Variants in PDE4D observed in about 807,000 individuals in gnomAD.
PDE4D encodes 3',5'-cyclic-AMP phosphodiesterase 4D.
In PDE4D, 24 loss-of-function variants were observed where a neutral mutation model predicts 87.4. The ratio of observed to expected loss-of-function variants is 0.27; its 90% CI spans 0.20 to 0.39. The LOEUF (loss-of-function observed/expected upper bound fraction) is 0.39. Ranked by LOEUF, PDE4D falls within the 10% of genes least tolerant of loss-of-function variation. PDE4D has a pLI of 1.00. For missense variants in PDE4D, 714 were observed against 1,041.0 expected, an observed-to-expected ratio of 0.69 and a Z score of 4.32; for synonymous variants, 384 against 383.2, an observed-to-expected ratio of 1.00 and a Z score of -0.02.
intron 5 of PDE4D, among the ~76,000 whole-genome samples, chr5:59,099,431 A>G (rs1387343579): frequency 2.6e-5 from 4 of 152,244 alleles, no homozygotes; most frequent in Non-Finnish European, 4.4e-5. Context: ...CTTTACAGTC[A>G]TAACTGCTCA....
intron 2 of PDE4D, among the ~76,000 whole-genome samples, chr5:59,205,397 T>C (rs1319212557): frequency 6.6e-6 from 1 of 152,174 alleles, no homozygotes; most frequent in Admixed American, 6.5e-5. Context: ...GAAATTTTAC[T>C]GGGTCATAAA....
intron 1 of PDE4D, among the ~76,000 whole-genome samples, chr5:59,542,777 C>T (rs567639719): frequency 2.0e-5 from 3 of 152,162 alleles, no homozygotes; most frequent in African/African-American, 7.2e-5. Context: ...AATTTGACAT[C>T]TTGTTGAAAT....
intron 1 of PDE4D, among the ~76,000 whole-genome samples, chr5:60,318,394 G>A (rs1755851884): frequency 1.3e-5 from 2 of 152,048 alleles, no homozygotes; most frequent in Admixed American, 1.3e-4. Flanking sequence ...ACGTGAGATG[G>A]GTTTCCTGAA....
At chr5:59,087,291 C>A (rs992207899) in intron 5 of PDE4D, among the ~76,000 whole-genome samples, 2 of 151,962 alleles carry the variant, frequency 1.3e-5, no homozygotes, top group African/African-American at 4.8e-5. Flanking sequence ...TCGAGACCAG[C>A]CAAGAAAACA....
intron 1 of PDE4D, among the ~76,000 whole-genome samples, chr5:59,656,843 A>T (rs560085661): frequency 6.6e-6 from 1 of 152,344 alleles, no homozygotes; most frequent in Admixed American, 6.5e-5. Flanking sequence ...AATAGCAAAT[A>T]ATTATTATTC....
chr5:59,572,702 G>A (rs894734633), intron 1 of PDE4D, among the ~76,000 whole-genome samples: 2 of 152,054 alleles, frequency 1.3e-5, no homozygotes, highest in Non-Finnish European at 2.9e-5. Flanking sequence ...AGATGGTCTC[G>A]ATCTCCTGAC....
rs76321595 is a variant in PDE4D at position 59,129,590 on chromosome 5, A to G, written c.808+51005T>C. Reference sequence around the variant, plus strand: ...GCCACCTAATTCAAGCCATTAAGTTAATATTCGATTATATAAATATGATCT... The same window carrying G: ...GCCACCTAATTCAAGCCATTAAGTTGATATTCGATTATATAAATATGATCT... On this transcript the variant is annotated intron_variant, in intron 5 of 14. Transcript: ENST00000340635. Among the ~76,000 whole-genome samples the G allele has an allele frequency of 2.2e-4, 34 of 152,286 alleles. No homozygotes were observed. The East Asian group carries it at 6.4e-3, about 29-fold the overall frequency.
chr5:59,021,160 CAGTGA>C (rs780021717), intron 6 of PDE4D, among the ~76,000 whole-genome samples: 1 of 152,124 alleles, frequency 6.6e-6, no homozygotes, highest in Non-Finnish European at 1.5e-5. Flanking sequence ...TGTTTAGACA[CAGTGA>C]AGTGAAGACC....
At chr5:59,564,884 G>A (rs930905034) in intron 1 of PDE4D, among the ~76,000 whole-genome samples, 3 of 152,164 alleles carry the variant, frequency 2.0e-5, no homozygotes, top group Non-Finnish European at 4.4e-5. Flanking sequence ...GCACTGGAGT[G>A]GGGTGAGAAG....
chr5:59,807,740 G>A (rs1311088785), intron 1 of PDE4D, among the ~76,000 whole-genome samples: 3 of 152,220 alleles, frequency 2.0e-5, no homozygotes, highest in Non-Finnish European at 4.4e-5. Flanking sequence ...CCAGGTCTCT[G>A]TATAGGCTTA....
chr5:58,990,927 ACT>A, intron 8 of PDE4D, 25 bp from the exon 9 acceptor site: 2 of 1,238,530 alleles, frequency 1.6e-6, no homozygotes, highest in South Asian at 2.7e-5. Context: ...AAAAAAAGAT[ACT>A]AAAATATTAG....
At chr5:59,427,445 A>G (rs1582550839) in intron 1 of PDE4D, among the ~76,000 whole-genome samples, 1 of 152,198 alleles carries the variant, frequency 6.6e-6, no homozygotes, top group East Asian at 1.9e-4. Flanking sequence ...TGGGGAAGTA[A>G]CAACAACCAA....
chr5:59,395,316 C>A (rs1022049896), intron 1 of PDE4D, among the ~76,000 whole-genome samples: 1 of 152,226 alleles, frequency 6.6e-6, no homozygotes, highest in African/African-American at 2.4e-5. Flanking sequence ...GCAGTAACCT[C>A]TGCAGACTTA....
intron 5 of PDE4D, among the ~76,000 whole-genome samples, chr5:59,053,466 ATAAT>A (rs1344637167): frequency 2.0e-5 from 3 of 151,612 alleles, no homozygotes; most frequent in Non-Finnish European, 1.5e-5. Context: ...TTTAATTATG[ATAAT>A]TAAGACAAAA....
intron 3 of PDE4D, among the ~76,000 whole-genome samples, chr5:59,899,444 T>C (rs767004169): frequency 1.3e-5 from 2 of 151,834 alleles, no homozygotes; most frequent in Non-Finnish European, 2.9e-5. Context: ...CACATATATA[T>C]ATATGTATTT....
At chr5:59,030,096 A>G (rs887035834) in intron 6 of PDE4D, among the ~76,000 whole-genome samples, 1 of 152,134 alleles carries the variant, frequency 6.6e-6, no homozygotes, top group Non-Finnish European at 1.5e-5. Context: ...AAGAAAATAT[A>G]AGGGAAAATC....
chr5:59,979,200 T>G (rs1391830428), intron 3 of PDE4D, among the ~76,000 whole-genome samples: 1 of 151,974 alleles, frequency 6.6e-6, no homozygotes, highest in African/African-American at 2.4e-5. Flanking sequence ...ACATGTTAAC[T>G]GAGACACAGA....
At chr5:59,425,117 CAGGATGGTTT>C (rs1431098103) in intron 1 of PDE4D, among the ~76,000 whole-genome samples, 2 of 152,068 alleles carry the variant, frequency 1.3e-5, no homozygotes, top group Non-Finnish European at 2.9e-5. Context: ...AATCAGAAGA[CAGGATGGTTT>C]GAATTACTGA....
At chr5:59,116,048 T>C (rs188727430) in intron 5 of PDE4D, among the ~76,000 whole-genome samples, 1 of 152,316 alleles carries the variant, frequency 6.6e-6, no homozygotes. Context: ...GCGTTTGCTG[T>C]AGTCCTAATA....
Sources: allele counts gnomAD v4.1 joint callset (sites outside exome capture counted in the v4.1 genomes callset), GRCh38; gene constraint gnomAD v4.1.1; transcripts MANE v1.5; gene names NCBI Gene and HGNC (gene_info 2026-07-23, HGNC 2026-07-21).